Variants in SPDYE4 observed in about 807,000 individuals in gnomAD.
The protein encoded by SPDYE4 is speedy/RINGO cell cycle regulator family member E4.
A neutral mutation model predicts 37.5 loss-of-function variants in SPDYE4; 30 were observed. The ratio of observed to expected loss-of-function variants is 0.80; its 90% CI spans 0.60 to 1.09. SPDYE4 has a LOEUF of 1.09. Among genes scored for constraint, SPDYE4 ranks in the 50% least tolerant of loss-of-function variants. SPDYE4 has a pLI of 0.00. For missense variants in SPDYE4, 300 were observed against 307.9 expected, an observed-to-expected ratio of 0.97 and a Z score of 0.19; for synonymous variants, 131 against 120.3, an observed-to-expected ratio of 1.09 and a Z score of -0.58.
intron 4 of SPDYE4, 101 bp from the exon 5 acceptor site, chr17:8,753,590 C>G (rs1597351887): frequency 7.3e-7 from 1 of 1,372,220 alleles, no homozygotes; most frequent in Non-Finnish European, 9.9e-7. Flanking sequence ...TTCCTCAGCT[C>G]AGCACCAACA....
intron 2 of SPDYE4, among the ~76,000 whole-genome samples, chr17:8,756,755 C>T (rs955609912): frequency 6.6e-6 from 1 of 152,204 alleles, no homozygotes; most frequent in African/African-American, 2.4e-5. Flanking sequence ...TCATTGCTTC[C>T]TGAGATAGTC....
chr17:8,757,490 G>T lies in SPDYE4; in HGVS notation c.112C>A (p.Pro38Thr). 1.9e-6 allele frequency: 3 copies of T among 1,609,438 alleles called. No homozygotes were observed. Among genetic ancestry groups the T allele is most frequent in the South Asian group, 1.1e-5 (1 of 90,160 alleles). ...GGCTGGGGGCTGGGATCTATCCAAG[G>T]GGCTGAGTGAAGAAACCAGGCCATG... is the stretch of plus-strand genomic sequence containing the variant. ...VDDEVPGPSA[P>T]WIDPSPQPQS... The change falls in exon 2 of 7, where the codon CCT (proline) becomes ACT (threonine). Residue 38 changes from proline (P) to threonine (T), a missense_variant and splice_region_variant. Coordinates refer to ENST00000689094, the MANE Select transcript of SPDYE4 (RefSeq NM_001394956.1).
At chr17:8,749,791 C>T (rs190520683), downstream of SPDYE4, among the ~76,000 whole-genome samples, 476 of 152,314 alleles carry the variant, frequency 3.1e-3, 5 homozygotes, top group Non-Finnish European at 1.1e-3. Context: ...GGACATTGCA[C>T]AAACGCTTCT....
chr17:8,753,174 G>A lies in SPDYE4; in HGVS notation c.678C>T (p.His226=). 6.2e-7 allele frequency: 1 copy of A among 1,614,018 alleles called. No individual in the cohort carries two copies. Among genetic ancestry groups the A allele is most frequent in the Non-Finnish European group, 8.5e-7 (1 of 1,179,986 alleles). ...GGGTGCGATCTCGGGCCCACACCCA[G>A]TGCTCTGGGTCATAAGCCTGGATCT... is the stretch of plus-strand genomic sequence containing the variant. ...MEEIQAYDPE[H]WVWARDRTLI... The change falls in exon 6 of 7, where the codon CAC becomes CAT. Residue 226 remains histidine, a synonymous_variant. Transcript: ENST00000689094.
In SPDYE4 at chr17:8,758,311, G is replaced by A. The variant is rs1447491189; in HGVS notation, c.72C>T (p.Pro24=). The A allele has an allele frequency of 5.8e-6, 9 of 1,549,792 alleles. No individual in the cohort carries two copies. Among genetic ancestry groups the A allele is most frequent in the Admixed American group, 3.9e-5 (2 of 50,706 alleles). ...SPQPSTTVRS[P]EVVVDDEVPG... Reference sequence around the variant, plus strand: ...GCACTTCATCATCCACCACCACCTCGGGGGACCGTACCGTTGTGCTAGGCT... The same window carrying A: ...GCACTTCATCATCCACCACCACCTCAGGGGACCGTACCGTTGTGCTAGGCT... Residue 24 remains proline, a synonymous_variant, in exon 1 of 7, where the codon CCC becomes CCT. Transcript: ENST00000689094.
chr17:8,755,772 A>G (rs1215084914), intron 3 of SPDYE4, among the ~76,000 whole-genome samples, 167 bp from the exon 4 acceptor site: 1 of 152,154 alleles, frequency 6.6e-6, no homozygotes, highest in Non-Finnish European at 1.5e-5. Flanking sequence ...GAGTGTTCAA[A>G]GTCAGCTGCA....
rs2086773283 is a variant in SPDYE4 at position 8,756,447 on chromosome 17, A to G, written c.341-11T>C. 8 of 1,613,702 alleles carry G rather than the reference A, an allele frequency of 5.0e-6. No homozygotes were observed. In the South Asian group the frequency reaches 7.7e-5, roughly 16 times the overall value. ...GAACGACAGGATCCCCTGTGAAAAG[A>G]GAGCCTGTGTCAGGGTGAGAAGTGG... On this transcript the variant is annotated splice_polypyrimidine_tract_variant and intron_variant, in intron 2 of 6. Transcript: ENST00000689094.
chr17:8,753,217 T>C lies in SPDYE4; in HGVS notation c.655-20A>G. Reference sequence around the variant, plus strand: ...CTGGATCTGGAAAAACACACACCACTTGAGAAGCCAGGGATTCCCCAGGAA... The same window carrying C: ...CTGGATCTGGAAAAACACACACCACCTGAGAAGCCAGGGATTCCCCAGGAA... On this transcript the variant is annotated intron_variant, in intron 5 of 6. Coordinates refer to ENST00000689094, the MANE Select transcript of SPDYE4 (RefSeq NM_001394956.1). 6.2e-7 allele frequency: 1 copy of C among 1,613,882 alleles called. No individual in the cohort carries two copies. The highest frequency in any genetic ancestry group is 8.5e-7 in the Non-Finnish European group (1 of 1,179,964).
chr17:8,753,279 CCA>C lies in SPDYE4; in HGVS notation c.654+40_654+41del, dbSNP rs1567541136. 2.2e-6 allele frequency: 3 copies of C among 1,384,838 alleles called. No homozygotes were observed. In the African/African-American group the frequency reaches 6.5e-5, roughly 30 times the overall value. 85.8% of individuals were successfully genotyped at this position (1,384,838 alleles called of 1,614,324 possible). Reference sequence around the variant, plus strand: ...GCCCTCCTCCAGCCTCCAGTCCACCCCATCCCTCCCCACCCCCACCTCCTCAT... The same window carrying C: ...GCCCTCCTCCAGCCTCCAGTCCACCCTCCCTCCCCACCCCCACCTCCTCAT... On this transcript the variant is annotated intron_variant, in intron 5 of 6. Coordinates refer to ENST00000689094, the MANE Select transcript of SPDYE4 (RefSeq NM_001394956.1).
downstream of SPDYE4, among the ~76,000 whole-genome samples, chr17:8,748,329 G>T (rs1330232165): frequency 6.6e-6 from 1 of 152,236 alleles, no homozygotes; most frequent in Non-Finnish European, 1.5e-5. Context: ...GGGAGCAACA[G>T]GAAGACAGCC....
intron 6 of SPDYE4, among the ~76,000 whole-genome samples, chr17:8,752,580 T>C (rs758995441): frequency 1.3e-5 from 2 of 152,104 alleles, no homozygotes; most frequent in Non-Finnish European, 2.9e-5. Flanking sequence ...TTGCTTAAGA[T>C]CTAAACTTTT....
At chr17:8,755,662 A>C in intron 3 of SPDYE4, 57 bp from the exon 4 acceptor site, 3 of 1,576,114 alleles carry the variant, frequency 1.9e-6, no homozygotes. Flanking sequence ...TGGAAGAGGA[A>C]GATGGTGGAG....
At chr17:8,748,249 A>G (rs1157519062), downstream of SPDYE4, among the ~76,000 whole-genome samples, 1 of 152,260 alleles carries the variant, frequency 6.6e-6, no homozygotes, top group East Asian at 1.9e-4. Context: ...TGGTACCCTC[A>G]TGATAGCTTT....
intron 6 of SPDYE4, 102 bp downstream of exon 6, chr17:8,752,992 C>G: frequency 1.9e-6 from 2 of 1,039,820 alleles, no homozygotes; most frequent in Non-Finnish European, 2.8e-6. Context: ...GACGGGGTGT[C>G]GCCATGTTGA....
At chr17:8,756,281 AGAGG>A in intron 3 of SPDYE4, 93 bp downstream of exon 3, 1 of 1,131,690 alleles carries the variant, frequency 8.8e-7, no homozygotes, top group South Asian at 1.4e-5. Context: ...GGGAGATGGT[AGAGG>A]GAGAGAGGAG....
downstream of SPDYE4, among the ~76,000 whole-genome samples, chr17:8,748,045 G>A (rs938784475): frequency 2.0e-5 from 3 of 152,204 alleles, no homozygotes; most frequent in Non-Finnish European, 4.4e-5. Context: ...ACTATCAGGA[G>A]AATAGCACAG....
chr17:8,754,929 A>C (rs990203268), intron 4 of SPDYE4, among the ~76,000 whole-genome samples: 2 of 152,200 alleles, frequency 1.3e-5, no homozygotes, highest in Admixed American at 6.5e-5. Context: ...TGGTAGAAGG[A>C]CTGCAGAGAG....
chr17:8,755,022 G>A (rs1381587289), intron 4 of SPDYE4, among the ~76,000 whole-genome samples: 1 of 152,204 alleles, frequency 6.6e-6, no homozygotes. Context: ...GTGAAGGGGG[G>A]GTGGGAGCTG....
downstream of SPDYE4, among the ~76,000 whole-genome samples, chr17:8,750,514 T>A (rs1349778167): frequency 1.3e-5 from 2 of 152,180 alleles, no homozygotes; most frequent in African/African-American, 4.8e-5. Context: ...ATCAAGACCA[T>A]CCTGACTAAC....
Sources: gnomAD v4.1 joint callset for allele counts (sites outside exome capture counted in the v4.1 genomes callset) on GRCh38, gnomAD v4.1.1 for gene constraint, MANE v1.5 for transcripts, NCBI Gene and HGNC (gene_info 2026-07-23, HGNC 2026-07-21) for gene names.